C9orf43: variants seen among roughly 807,000 people sequenced by gnomAD.
C9orf43 encodes the protein uncharacterized protein C9orf43.
C9orf43 carries 45 observed loss-of-function variants against 59.1 expected under a neutral mutation model. That is an observed-to-expected ratio of 0.76 (90% CI 0.60 to 0.98). C9orf43 has a LOEUF of 0.98. C9orf43 is among the 50% of genes least tolerant of loss of function. C9orf43 has a pLI of 0.00. For missense variants in C9orf43, 533 were observed against 554.9 expected (o/e 0.96, Z 0.40); for synonymous variants, 203 against 196.8 (o/e 1.03, Z -0.26).
intron 4 of C9orf43, among the ~76,000 whole-genome samples, chr9:113,420,524 C>T (rs1431961493): frequency 6.6e-6 from 1 of 152,190 alleles, no homozygotes; most frequent in Non-Finnish European, 1.5e-5. Flanking sequence ...CAGGGACAAC[C>T]TTATTTTGAA....
intron 4 of C9orf43, chr9:113,420,708 G>C: frequency 1.0e-6 from 1 of 962,572 alleles, no homozygotes; most frequent in Non-Finnish European, 1.2e-6. Flanking sequence ...CCTTGCTTCT[G>C]TTTCTATCAG....
chr9:113,425,563 C>G (rs1828756868), intron 10 of C9orf43, 80 bp from the exon 11 acceptor site: 1 of 1,522,984 alleles, frequency 6.6e-7, no homozygotes, highest in Non-Finnish European at 9.0e-7. Context: ...TGTTAAATTC[C>G]TTCTTTTTGA....
rs148106673 is a variant in C9orf43, at chr9:113,423,375, G to A, written c.533G>A (p.Arg178Gln). 7.9e-3 allele frequency: 12,802 copies of A among 1,614,076 alleles called. 76 individuals are homozygous for A. The highest frequency in any genetic ancestry group is 8.7e-3 in the Non-Finnish European group (10,273 of 1,179,966). Residue 178 changes from arginine (R) to glutamine (Q), a missense_variant, in exon 7 of 14, where the codon CGA becomes CAA. By Grantham distance (43) the Arg-to-Gln change is conservative. Coordinates refer to ENST00000374165, the MANE Select transcript of C9orf43 (RefSeq NM_001278629.2). ...TCTGGAAATCAGTCCGCAGGAACAC[G>A]AGTAGGAACACCAGGGATGATCGTG... ...GLSGNQSAGT[R>Q]VGTPGMIVPP...
rs1828549974 is a variant in C9orf43, at chr9:113,421,126, G to C, written c.369G>C (p.Glu123Asp). The change falls in exon 5 of 14, where the codon GAG (glutamate) becomes GAC (aspartate). Residue 123 changes from glutamate to aspartate, a missense_variant. By Grantham distance (45) the Glu-to-Asp change is conservative. Transcript: ENST00000374165. ...AGTTTCCAGTGTTGAATTTGAATGA[G>C]ACGCAACTTCCCTGCCCTGAAGATG... Reference protein sequence around the residue: ...LPKFPVLNLNETQLPCPEDVR... With the variant: ...LPKFPVLNLNDTQLPCPEDVR... 6.2e-7 allele frequency: 1 copy of C among 1,613,712 alleles called. No homozygotes were observed. Among genetic ancestry groups the C allele is most frequent in the Non-Finnish European group, 8.5e-7 (1 of 1,179,782 alleles).
At chr9:113,426,159 C>T (rs995733682) in intron 11 of C9orf43, among the ~76,000 whole-genome samples, 16 of 152,160 alleles carry the variant, frequency 1.1e-4, no homozygotes, top group African/African-American at 3.4e-4. Context: ...AGCTCTGGGG[C>T]CCCCTAACCT....
intron 11 of C9orf43, among the ~76,000 whole-genome samples, chr9:113,426,682 G>C (rs1339312402): frequency 6.6e-6 from 1 of 152,080 alleles, no homozygotes; most frequent in African/African-American, 2.4e-5. Context: ...CTTGGCCCCG[G>C]GCAGGAGGTG....
chr9:113,425,161 T>G, intron 9 of C9orf43, 85 bp downstream of exon 9: 1 of 1,493,324 alleles, frequency 6.7e-7, no homozygotes, highest in Non-Finnish European at 9.3e-7. Context: ...CCAATTCAGT[T>G]ATATTTGTGG....
rs772124466 is a variant in C9orf43 at position 113,425,070 on chromosome 9, A to G, written c.859A>G (p.Thr287Ala). ...TTTGAAGAAATTACATAACCTGAAG[A>G]CAGAAGGTAGATTTGCTGTTGCTGC... ...ERLKKLHNLK[T>A]EGYRKQQQRQ... Residue 287 changes from threonine (T) to alanine (A), a missense_variant, in exon 9 of 14, where the codon ACA (threonine) becomes GCA (alanine). Thr to Ala is a moderately conservative substitution (Grantham distance 58, BLOSUM62 0). Coordinates refer to ENST00000374165, the MANE Select transcript of C9orf43 (RefSeq NM_001278629.2). 6.2e-7 allele frequency: 1 copy of G among 1,613,366 alleles called. No individual in the cohort carries two copies. Among genetic ancestry groups the G allele is most frequent in the African/African-American group, 1.3e-5 (1 of 75,030 alleles).
intron 2 of C9orf43, 28 bp from the exon 3 acceptor site, chr9:113,413,729 AAC>A (rs1828256489): frequency 6.8e-6 from 11 of 1,612,444 alleles, no homozygotes; most frequent in Non-Finnish European, 9.3e-6. Flanking sequence ...GCAGCAGGTT[AAC>A]ATGTTTTCTT....
chr9:113,427,424 G>A (rs1287041898), intron 11 of C9orf43, among the ~76,000 whole-genome samples: 3 of 152,210 alleles, frequency 2.0e-5, no homozygotes, highest in African/African-American at 4.8e-5. Flanking sequence ...TGATCTGCCC[G>A]CCTCGGCCTC....
rs1259056162 is a variant in C9orf43 at position 113,425,665 on chromosome 9, G to A, written c.965G>A (p.Ser322Asn). The stretch of plus-strand genomic sequence containing the variant: ...CAGGAGGCTAAAAAGAAAGCCAAGA[G>A]TGATCCAGGGATCCAGAGCACTTCA... The part of the protein sequence containing the change: ...KKQEAKKKAK[S>N]DPGIQSTSHK... Residue 322 changes from serine (S) to asparagine (N), a missense_variant, in exon 11 of 14, where the codon AGT becomes AAT. Coordinates refer to ENST00000374165, the MANE Select transcript of C9orf43 (RefSeq NM_001278629.2). The A allele has an allele frequency of 6.2e-7, 1 of 1,614,064 alleles. No homozygotes were observed. Among genetic ancestry groups the A allele is most frequent in the Non-Finnish European group, 8.5e-7 (1 of 1,180,024 alleles).
chr9:113,429,213 A>G lies in C9orf43; in HGVS notation c.1213A>G (p.Ser405Gly). The G allele has an allele frequency of 6.2e-7, 1 of 1,614,192 alleles. No individual in the cohort carries two copies. Among genetic ancestry groups the G allele is most frequent in the Non-Finnish European group, 8.5e-7 (1 of 1,180,034 alleles). Residue 405 changes from serine to glycine, a missense_variant, in exon 14 of 14, where the codon AGT becomes GGT. Transcript: ENST00000374165. ...YETEPTNKDI[S>G]APVDAVPEAQ... ...AACAGAACCCACTAACAAGGACATT[A>G]GTGCTCCAGTGGACGCTGTGCCAGA...
chr9:113,418,852 G>A (rs772475571), intron 3 of C9orf43, among the ~76,000 whole-genome samples: 2 of 152,206 alleles, frequency 1.3e-5, no homozygotes, highest in African/African-American at 2.4e-5. Context: ...TCTCTAGCTG[G>A]AGAGAAGAGT....
intron 3 of C9orf43, among the ~76,000 whole-genome samples, chr9:113,415,213 G>A (rs182415040): frequency 2.6e-5 from 4 of 151,824 alleles, no homozygotes; most frequent in South Asian, 2.1e-4. Flanking sequence ...TCGTGATCTC[G>A]GCTCACTGCA....
rs1453048832 is a variant in C9orf43, at chr9:113,424,292, A to G, written c.783A>G (p.Leu261=). 3 of 1,613,592 alleles carry G rather than the reference A, an allele frequency of 1.9e-6. No homozygotes were observed. Among genetic ancestry groups the G allele is most frequent in the Non-Finnish European group, 2.5e-6 (3 of 1,179,762 alleles). Residue 261 remains leucine (L), a synonymous_variant, in exon 8 of 14, where the codon CTA becomes CTG. Transcript: ENST00000374165. The part of the protein sequence containing the change: ...PDSVISSKMF[L]SIHRLTLERP... Reference sequence around the variant, plus strand: ...GTGTGATTTCTTCTAAGATGTTTCTATCTATACACCGCCTCACCCTGGAAG... The same window carrying G: ...GTGTGATTTCTTCTAAGATGTTTCTGTCTATACACCGCCTCACCCTGGAAG...
At position 113,423,450 on chromosome 9, in the gene C9orf43, T is replaced by C. The variant is rs754311431; in HGVS notation, c.608T>C (p.Leu203Pro). ...TCTGAACAATTCAGTTCAGATTTCCTACCTCTCTGGGCTCAATCCGAAGCG... is the reference window on the plus strand; with the variant it reads ...TCTGAACAATTCAGTTCAGATTTCCCACCTCTCTGGGCTCAATCCGAAGCG... Reference protein sequence around the residue: ...QLSEQFSSDFLPLWAQSEALP... With the variant: ...QLSEQFSSDFPPLWAQSEALP... The change falls in exon 7 of 14, where the codon CTA (leucine) becomes CCA (proline). Residue 203 changes from leucine (L) to proline (P), a missense_variant. Coordinates refer to ENST00000374165, the MANE Select transcript of C9orf43 (RefSeq NM_001278629.2). 7 of 1,614,108 alleles carry C rather than the reference T, an allele frequency of 4.3e-6. No homozygotes were observed. Among genetic ancestry groups the C allele is most frequent in the Non-Finnish European group, 5.1e-6 (6 of 1,179,968 alleles).
intron 3 of C9orf43, 127 bp from the exon 4 acceptor site, chr9:113,418,981 A>G (rs1238341887): frequency 1.2e-5 from 8 of 686,518 alleles, no homozygotes; most frequent in Non-Finnish European, 1.5e-5. Flanking sequence ...GAGATCCTAC[A>G]TTCATTTGGT....
At chr9:113,411,336 C>T (rs1436778932) in intron 1 of C9orf43, among the ~76,000 whole-genome samples, 3 of 148,378 alleles carry the variant, frequency 2.0e-5, no homozygotes, top group East Asian at 2.0e-4. Context: ...CTCACTCTGT[C>T]GCCCAGGTTG....
At chr9:113,422,665 C>T (rs1564409099) in intron 6 of C9orf43, 80 bp downstream of exon 6, 3 of 1,511,764 alleles carry the variant, frequency 2.0e-6, no homozygotes, top group East Asian at 2.3e-5. Context: ...GTCTCCTCCA[C>T]CTTACCCCCG....
Sources: gnomAD v4.1 joint callset for allele counts (sites outside exome capture counted in the v4.1 genomes callset) on GRCh38, gnomAD v4.1.1 for gene constraint, MANE v1.5 for transcripts, NCBI Gene and HGNC (gene_info 2026-07-23, HGNC 2026-07-21) for gene names.